TFCP2: variants seen among roughly 807,000 people sequenced by gnomAD.
TFCP2 encodes transcription factor CP2, also known as alpha-globin transcription factor CP2.
TFCP2 carries 33 observed loss-of-function variants against 73.4 expected under a neutral mutation model. The ratio of observed to expected loss-of-function variants is 0.45; its 90% CI spans 0.34 to 0.60. TFCP2 has a LOEUF of 0.60. TFCP2 is among the 20% of genes least tolerant of loss of function. TFCP2 has a pLI of 0.01. For missense variants in TFCP2, 352 were observed against 604.0 expected, an observed-to-expected ratio of 0.58 and a Z score of 4.37; for synonymous variants, 193 against 211.6, an observed-to-expected ratio of 0.91 and a Z score of 0.76.
intron 5 of TFCP2, among the ~76,000 whole-genome samples, chr12:51,110,379 G>A (rs1200530037): frequency 6.6e-6 from 1 of 152,128 alleles, no homozygotes; most frequent in Non-Finnish European, 1.5e-5. Context: ...GACCAGCCTG[G>A]CTAGCATGGC....
intron 1 of TFCP2, among the ~76,000 whole-genome samples, chr12:51,132,386 T>TTTTTTTTTTG (rs1940966138): frequency 8.0e-6 from 1 of 124,784 alleles, no homozygotes; most frequent in Non-Finnish European, 1.7e-5. Context: ...TTTTTTTTTT[T>TTTTTTTTTTG]TAGACAGAGT....
intron 8 of TFCP2, among the ~76,000 whole-genome samples, chr12:51,105,065 C>T (rs1940197181): frequency 6.7e-6 from 1 of 150,310 alleles, no homozygotes; most frequent in Non-Finnish European, 1.5e-5. Context: ...AATTTATGAT[C>T]CAAGGGTTAT....
chr12:51,139,255 C>T (rs183271636), intron 1 of TFCP2, among the ~76,000 whole-genome samples: 11 of 152,250 alleles, frequency 7.2e-5, no homozygotes, highest in South Asian at 6.2e-4. Context: ...GGTTTCCCAA[C>T]GCAATCATGA....
At chr12:51,120,616 G>A (rs952981941) in intron 1 of TFCP2, among the ~76,000 whole-genome samples, 1 of 152,004 alleles carries the variant, frequency 6.6e-6, no homozygotes, top group Admixed American at 6.6e-5. Flanking sequence ...TAGAGGATGG[G>A]GAATAGGTAG....
At chr12:51,161,026 C>T (rs751217521) in intron 1 of TFCP2, among the ~76,000 whole-genome samples, 74 of 152,230 alleles carry the variant, frequency 4.9e-4, no homozygotes, top group Middle Eastern at 3.4e-3. Flanking sequence ...AAGTTGCCTA[C>T]CTAGTGGCAC....
At chr12:51,138,120 T>C (rs1941103817) in intron 1 of TFCP2, among the ~76,000 whole-genome samples, 1 of 152,110 alleles carries the variant, frequency 6.6e-6, no homozygotes, top group Non-Finnish European at 1.5e-5. Flanking sequence ...TTTATTTATT[T>C]TCTATTTTTC....
intron 10 of TFCP2, among the ~76,000 whole-genome samples, chr12:51,103,268 G>A (rs1940154422): frequency 6.6e-6 from 1 of 152,162 alleles, no homozygotes. Flanking sequence ...GGGTGACAGA[G>A]TGAGATTCCA....
intron 1 of TFCP2, among the ~76,000 whole-genome samples, chr12:51,131,739 A>T (rs1940949039): frequency 6.6e-6 from 1 of 152,202 alleles, no homozygotes; most frequent in Non-Finnish European, 1.5e-5. Flanking sequence ...CAGTCATTCA[A>T]AGATTTATTA....
At chr12:51,119,352 C>T (rs1404361817) in intron 1 of TFCP2, among the ~76,000 whole-genome samples, 2 of 152,220 alleles carry the variant, frequency 1.3e-5, no homozygotes, top group African/African-American at 2.4e-5. Context: ...GACACATACC[C>T]ATCCTTTGTC....
chr12:51,113,782 GCAA>G (rs1940455765), intron 4 of TFCP2, among the ~76,000 whole-genome samples: 1 of 152,178 alleles, frequency 6.6e-6, no homozygotes, highest in Admixed American at 6.5e-5. Flanking sequence ...TGACAAGGGT[GCAA>G]GACCATTCAG....
chr12:51,116,272 A>G (rs1482545711), intron 4 of TFCP2, 43 bp downstream of exon 4: 3 of 1,152,548 alleles, frequency 2.6e-6, no homozygotes, highest in Non-Finnish European at 2.5e-6. Flanking sequence ...CTCTGGGTCC[A>G]TAGCTAAAGG....
At chr12:51,156,356 T>C (rs552104600) in intron 1 of TFCP2, among the ~76,000 whole-genome samples, 185 of 145,362 alleles carry the variant, frequency 1.3e-3, no homozygotes, top group African/African-American at 4.5e-3. Flanking sequence ...GGGGGGGAGG[T>C]GCCACACTTA....
chr12:51,158,191 T>C (rs1941577517), intron 1 of TFCP2, among the ~76,000 whole-genome samples: 1 of 151,830 alleles, frequency 6.6e-6, no homozygotes, highest in Non-Finnish European at 1.5e-5. Context: ...CTTCTTTTAT[T>C]ATTTTTTGTA....
chr12:51,098,975 A>G, intron 12 of TFCP2, 57 bp from the exon 13 acceptor site: 1 of 1,578,590 alleles, frequency 6.3e-7, no homozygotes, highest in Non-Finnish European at 8.6e-7. Flanking sequence ...TCTTACAGGT[A>G]ACTTGATCAC....
intron 1 of TFCP2, among the ~76,000 whole-genome samples, chr12:51,171,667 CG>C (rs1941865473): frequency 1.3e-5 from 2 of 152,160 alleles, no homozygotes; most frequent in African/African-American, 4.8e-5. Context: ...CGTGAGCCAC[CG>C]CACCCGGCCG....
chr12:51,099,918 G>C, intron 11 of TFCP2, 139 bp from the exon 12 acceptor site: 1 of 1,076,018 alleles, frequency 9.3e-7, no homozygotes, highest in Non-Finnish European at 1.3e-6. Context: ...CAATTAATTT[G>C]CTATGTTTTA....
At chr12:51,131,788 C>T (rs1940950244) in intron 1 of TFCP2, among the ~76,000 whole-genome samples, 1 of 152,114 alleles carries the variant, frequency 6.6e-6, no homozygotes, top group Non-Finnish European at 1.5e-5. Flanking sequence ...TTTGAAAAAC[C>T]ACACACTGAT....
At chr12:51,102,085 T>A in intron 10 of TFCP2, 60 bp from the exon 11 acceptor site, 1 of 1,177,324 alleles carries the variant, frequency 8.5e-7, no homozygotes, top group Non-Finnish European at 1.3e-6. Context: ...TAATGACTAT[T>A]AAAATGGGCT....
At chr12:51,121,140 T>A (rs1014205202) in intron 1 of TFCP2, among the ~76,000 whole-genome samples, 4 of 151,436 alleles carry the variant, frequency 2.6e-5, no homozygotes, top group Non-Finnish European at 5.9e-5. Flanking sequence ...TTCCCTTGGC[T>A]AGGCACGGTA....
Sources: gnomAD v4.1 joint callset for allele counts (sites outside exome capture counted in the v4.1 genomes callset) on GRCh38, gnomAD v4.1.1 for gene constraint, MANE v1.5 for transcripts, NCBI Gene and HGNC (gene_info 2026-07-23, HGNC 2026-07-21) for gene names.